STT3B: variants seen among roughly 807,000 people sequenced by gnomAD.
The protein encoded by STT3B is STT3 oligosaccharyltransferase complex catalytic subunit B.
STT3B carries 29 observed loss-of-function variants against 96.8 expected under a neutral mutation model. That is an observed-to-expected ratio of 0.30 (90% CI 0.22 to 0.41). The LOEUF (loss-of-function observed/expected upper bound fraction) is 0.41. Ranked by LOEUF, STT3B falls within the 10% of genes least tolerant of loss-of-function variation. STT3B has a pLI of 1.00. For synonymous variants in STT3B, 367 were observed against 360.0 expected, an observed-to-expected ratio of 1.02 and a Z score of -0.22; for missense variants, 640 against 1,022.3, an observed-to-expected ratio of 0.63 and a Z score of 5.10.
rs183327472 is a variant in STT3B, at chr3:31,587,411, T to G, written c.711+7315T>G. Among the ~76,000 whole-genome samples, 365 of 152,176 alleles carry G rather than the reference T, an allele frequency of 2.4e-3. 2 individuals carry two copies. Among genetic ancestry groups the G allele is most frequent in the Non-Finnish European group, 4.1e-3 (279 of 67,986 alleles). On this transcript the variant is annotated intron_variant, in intron 3 of 15. Coordinates refer to ENST00000295770, the MANE Select transcript of STT3B (RefSeq NM_178862.3). ...ATAATATGTTGCCTTTTGTATCTTTTTTTAAAATTTTCAAATTAGATGGGT... is the reference window on the plus strand; with the variant it reads ...ATAATATGTTGCCTTTTGTATCTTTGTTTAAAATTTTCAAATTAGATGGGT...
At chr3:31,567,826 C>T (rs1698040517) in intron 1 of STT3B, among the ~76,000 whole-genome samples, 1 of 152,156 alleles carries the variant, frequency 6.6e-6, no homozygotes, top group Non-Finnish European at 1.5e-5. Context: ...TCACCTCACG[C>T]ATTTATCATT....
chr3:31,554,542 C>T (rs950547794), intron 1 of STT3B, among the ~76,000 whole-genome samples: 4 of 151,670 alleles, frequency 2.6e-5, no homozygotes, highest in Admixed American at 1.3e-4. Flanking sequence ...CCCAAAACCG[C>T]GTCAGCAGCT....
intron 1 of STT3B, among the ~76,000 whole-genome samples, chr3:31,562,759 G>A (rs1404357415): frequency 1.3e-5 from 2 of 152,200 alleles, no homozygotes; most frequent in Non-Finnish European, 2.9e-5. Flanking sequence ...GTCGCCCTCT[G>A]CTGGGGTGGG....
intron 1 of STT3B, among the ~76,000 whole-genome samples, chr3:31,534,452 GTTATC>G (rs1414883557): frequency 6.6e-6 from 1 of 152,122 alleles, no homozygotes; most frequent in Non-Finnish European, 1.5e-5. Flanking sequence ...TTAAACTAGT[GTTATC>G]TTATTGACCT....
chr3:31,609,064 G>A (rs891953357), intron 5 of STT3B, among the ~76,000 whole-genome samples: 4 of 152,118 alleles, frequency 2.6e-5, no homozygotes, highest in East Asian at 3.9e-4. Flanking sequence ...GCAGTGAGCC[G>A]AGATCATGCC....
chr3:31,586,881 C>T (rs1426282148), intron 3 of STT3B, among the ~76,000 whole-genome samples: 3 of 152,060 alleles, frequency 2.0e-5, no homozygotes, highest in Admixed American at 1.3e-4. Context: ...TTTAGAATCA[C>T]ATTATTAACT....
In STT3B at chr3:31,614,116, G is replaced by T. The variant is rs966214819; in HGVS notation, c.878-989G>T. On this transcript the variant is annotated intron_variant, in intron 5 of 15. Transcript: ENST00000295770. ...GAATATTCTTTCTCATCTAAGTTGG[G>T]TGAGGAGGAAAGTGTGTAGTACACT... Among the ~76,000 whole-genome samples, 3 of 152,038 alleles carry T rather than the reference G, an allele frequency of 2.0e-5. 1 individual carries two copies.
At chr3:31,632,435 A>G (rs1431428784) in intron 14 of STT3B, among the ~76,000 whole-genome samples, 1 of 152,230 alleles carries the variant, frequency 6.6e-6, no homozygotes. Flanking sequence ...GTAAAAGAAC[A>G]AGATGCTATG....
At chr3:31,559,446 T>G (rs548099939) in intron 1 of STT3B, among the ~76,000 whole-genome samples, 3 of 152,090 alleles carry the variant, frequency 2.0e-5, no homozygotes, top group East Asian at 3.9e-4. Flanking sequence ...CCTTTAAAAT[T>G]TTTTCCTTCA....
chr3:31,590,381 T>G (rs1030872375), intron 3 of STT3B, among the ~76,000 whole-genome samples: 9 of 152,030 alleles, frequency 5.9e-5, no homozygotes, highest in African/African-American at 1.9e-4. Context: ...AGTTGAAGCT[T>G]AAGTTATTTT....
chr3:31,544,664 T>C (rs1284611472), intron 1 of STT3B, among the ~76,000 whole-genome samples: 4 of 152,158 alleles, frequency 2.6e-5, no homozygotes, highest in African/African-American at 9.7e-5. Context: ...TTGAAGACAT[T>C]GACACTTAAA....
chr3:31,566,448 A>G (rs1217428846), intron 1 of STT3B, among the ~76,000 whole-genome samples: 1 of 152,214 alleles, frequency 6.6e-6, no homozygotes, highest in Non-Finnish European at 1.5e-5. Flanking sequence ...TAAATGAAAA[A>G]TAGGATCATA....
At chr3:31,560,001 C>T (rs56665774) in intron 1 of STT3B, among the ~76,000 whole-genome samples, 8,077 of 151,982 alleles carry the variant, frequency 0.053, 734 homozygotes, top group African/African-American at 0.18. Flanking sequence ...TGTAGGTACT[C>T]GTGCTCACTT....
chr3:31,568,848 C>T (rs1266746996), intron 1 of STT3B, among the ~76,000 whole-genome samples: 1 of 152,116 alleles, frequency 6.6e-6, no homozygotes, highest in African/African-American at 2.4e-5. Flanking sequence ...AAAGGCAGCT[C>T]CTTGTGACTT....
chr3:31,602,359 T>TTGC (rs1467158794), intron 5 of STT3B, among the ~76,000 whole-genome samples: 1 of 152,100 alleles, frequency 6.6e-6, no homozygotes, highest in Non-Finnish European at 1.5e-5. Flanking sequence ...TGTTTTGTTG[T>TTGC]TGCTGCTGTT....
chr3:31,542,895 T>C (rs1400214890), intron 1 of STT3B, among the ~76,000 whole-genome samples: 1 of 151,958 alleles, frequency 6.6e-6, no homozygotes, highest in Non-Finnish European at 1.5e-5. Context: ...GGTGAAACCC[T>C]GTCTCTACTA....
At chr3:31,574,453 T>C (rs961343088) in intron 1 of STT3B, among the ~76,000 whole-genome samples, 1 of 152,174 alleles carries the variant, frequency 6.6e-6, no homozygotes, top group Non-Finnish European at 1.5e-5. Flanking sequence ...AGAAGAACTT[T>C]GTCACTTCCA....
intron 1 of STT3B, among the ~76,000 whole-genome samples, chr3:31,535,125 C>CT (rs79824202): frequency 0.23 from 34,534 of 151,792 alleles, 4,167 homozygotes; most frequent in African/African-American, 0.3. Flanking sequence ...AAATGGAAGG[C>CT]TAACGACTGT....
At chr3:31,559,448 T>G (rs1264881612) in intron 1 of STT3B, among the ~76,000 whole-genome samples, 1 of 151,966 alleles carries the variant, frequency 6.6e-6, no homozygotes. Flanking sequence ...TTTAAAATTT[T>G]TTCCTTCACC....
Sources: gnomAD v4.1 joint callset for allele counts (sites outside exome capture counted in the v4.1 genomes callset) on GRCh38, gnomAD v4.1.1 for gene constraint, MANE v1.5 for transcripts, NCBI Gene and HGNC (gene_info 2026-07-23, HGNC 2026-07-21) for gene names.